The following KCNB2 variants were observed in gnomAD, a reference collection of about 807,000 sequenced individuals.
KCNB2 encodes delayed rectifier potassium channel protein.
KCNB2 carries 15 observed loss-of-function variants against 61.5 expected under a neutral mutation model. The observed-to-expected ratio is 0.24, with a 90% CI of 0.16 to 0.38. The LOEUF is 0.38. Ranked by LOEUF, KCNB2 falls within the 10% of genes least tolerant of loss-of-function variation. KCNB2 has a pLI of 1.00. For missense variants in KCNB2, 828 were observed against 1,125.2 expected (o/e 0.74, Z 3.78); for synonymous variants, 457 against 446.0 (o/e 1.02, Z -0.31).
At chr8:72,892,894 A>C (rs978848819) in intron 2 of KCNB2, among the ~76,000 whole-genome samples, 3 of 152,176 alleles carry the variant, frequency 2.0e-5, no homozygotes, top group African/African-American at 7.2e-5. Flanking sequence ...TAAAAGCAGC[A>C]AATGTACTTA....
chr8:72,773,828 G>A (rs1808603451), intron 2 of KCNB2, among the ~76,000 whole-genome samples: 1 of 152,108 alleles, frequency 6.6e-6, no homozygotes. Context: ...TAAAATATTT[G>A]TATGCAACTA....
At chr8:72,809,903 C>T (rs1464139172) in intron 2 of KCNB2, among the ~76,000 whole-genome samples, 1 of 152,114 alleles carries the variant, frequency 6.6e-6, no homozygotes, top group African/African-American at 2.4e-5. Flanking sequence ...TTATTTGTAT[C>T]TCTTAGTTTT....
chr8:72,666,984 A>AGTGTGTGT (rs142689703), intron 2 of KCNB2, among the ~76,000 whole-genome samples: 5 of 148,600 alleles, frequency 3.4e-5, no homozygotes, highest in African/African-American at 1.0e-4. Flanking sequence ...TTTCCACATA[A>AGTGTGTGT]GTGTGTGTGT....
At chr8:72,727,827 T>C (rs1176134904) in intron 2 of KCNB2, among the ~76,000 whole-genome samples, 1 of 152,220 alleles carries the variant, frequency 6.6e-6, no homozygotes, top group South Asian at 2.1e-4. Flanking sequence ...GAAATAGACT[T>C]GCTAGTATTT....
intron 2 of KCNB2, among the ~76,000 whole-genome samples, chr8:72,640,578 G>A (rs922443343): frequency 6.6e-6 from 1 of 151,808 alleles, no homozygotes; most frequent in Non-Finnish European, 1.5e-5. Flanking sequence ...CTTACGCTGA[G>A]GAATATTGAT....
intron 2 of KCNB2, among the ~76,000 whole-genome samples, chr8:72,725,075 T>TA (rs201484622): frequency 1.7e-3 from 257 of 152,146 alleles, no homozygotes; most frequent in Admixed American, 3.9e-3. Context: ...CTTCTCCATT[T>TA]AAAAAAATAT....
At chr8:72,810,778 T>C (rs775313846) in intron 2 of KCNB2, among the ~76,000 whole-genome samples, 1 of 152,188 alleles carries the variant, frequency 6.6e-6, no homozygotes, top group Non-Finnish European at 1.5e-5. Context: ...GTTTTAGTGT[T>C]TGGCATCAAG....
At chr8:72,550,911 G>C (rs547248034) in intron 1 of KCNB2, among the ~76,000 whole-genome samples, 2 of 152,172 alleles carry the variant, frequency 1.3e-5, no homozygotes, top group East Asian at 3.9e-4. Flanking sequence ...AGGGCTGACA[G>C]AGACAGGCAG....
At chr8:72,640,156 T>C (rs1329540641) in intron 2 of KCNB2, among the ~76,000 whole-genome samples, 1 of 152,110 alleles carries the variant, frequency 6.6e-6, no homozygotes, top group East Asian at 1.9e-4. Context: ...GTGTGTGCTT[T>C]GTTTAGTGGA....
intron 2 of KCNB2, among the ~76,000 whole-genome samples, chr8:72,600,549 A>C (rs994974843): frequency 1.2e-4 from 18 of 152,160 alleles, no homozygotes; most frequent in Middle Eastern, 3.4e-3. Flanking sequence ...CATATGTAAC[A>C]AACCTGTACG....
intron 2 of KCNB2, among the ~76,000 whole-genome samples, chr8:72,604,320 GTAGAGATC>G (rs1464086744): frequency 1.3e-5 from 2 of 152,050 alleles, no homozygotes; most frequent in Admixed American, 1.3e-4. Flanking sequence ...CTTCTCTAAG[GTAGAGATC>G]ATGTCCTATT....
chr8:72,898,948 T>A (rs1806037745), intron 2 of KCNB2, among the ~76,000 whole-genome samples: 1 of 152,188 alleles, frequency 6.6e-6, no homozygotes, highest in Non-Finnish European at 1.5e-5. Flanking sequence ...TCTAGCTTCA[T>A]CCATTTCACT....
intron 2 of KCNB2, among the ~76,000 whole-genome samples, chr8:72,697,246 G>A (rs756549752): frequency 6.6e-6 from 1 of 152,146 alleles, no homozygotes; most frequent in Non-Finnish European, 1.5e-5. Flanking sequence ...CAACTCTGGT[G>A]CAGATTGAGA....
intron 2 of KCNB2, among the ~76,000 whole-genome samples, chr8:72,756,281 C>T (rs1017773942): frequency 1.3e-5 from 2 of 152,206 alleles, no homozygotes; most frequent in Non-Finnish European, 2.9e-5. Context: ...TCCCTCCCTT[C>T]CTGTCTCCCT....
intron 2 of KCNB2, among the ~76,000 whole-genome samples, chr8:72,825,846 T>G (rs954802501): frequency 9.9e-5 from 15 of 152,176 alleles, no homozygotes; most frequent in Admixed American, 6.5e-5. Context: ...GCTCCATGGG[T>G]TCTCTTTTCA....
intron 2 of KCNB2, among the ~76,000 whole-genome samples, chr8:72,574,568 AGGGCCAG>A (rs1476617010): frequency 6.6e-6 from 1 of 152,218 alleles, no homozygotes; most frequent in African/African-American, 2.4e-5. Context: ...GCATCTGAAG[AGGGCCAG>A]TCTTAATTTC....
In KCNB2 at chr8:72,667,829, C is replaced by T. The variant is rs146961652; in HGVS notation, c.579+99516C>T. On this transcript the variant is annotated intron_variant, in intron 2 of 2. Coordinates refer to ENST00000523207, the MANE Select transcript of KCNB2 (RefSeq NM_004770.3). ...ACCCTCTTACTTAAAACCCATTTAA[C>T]GGAGTCTTGTTGCACTTAAAACGTA... Among the ~76,000 whole-genome samples, 620 of 152,250 alleles carry T rather than the reference C, an allele frequency of 4.1e-3. 8 individuals carry two copies. The highest frequency in any genetic ancestry group is 0.014 in the African/African-American group (586 of 41,548).
At chr8:72,784,199 A>C (rs1238014031) in intron 2 of KCNB2, among the ~76,000 whole-genome samples, 4 of 152,034 alleles carry the variant, frequency 2.6e-5, no homozygotes, top group Admixed American at 2.6e-4. Context: ...ATATCCCCAG[A>C]ACTTCTTCAT....
chr8:72,848,541 T>TGTAAA (rs1272892887), intron 2 of KCNB2, among the ~76,000 whole-genome samples: 3 of 152,170 alleles, frequency 2.0e-5, no homozygotes, highest in African/African-American at 7.2e-5. Context: ...TAAAGGAAAC[T>TGTAAA]CTAAATGCTT....
Sources: gnomAD v4.1 joint callset for allele counts (sites outside exome capture counted in the v4.1 genomes callset) on GRCh38, gnomAD v4.1.1 for gene constraint, MANE v1.5 for transcripts, NCBI Gene and HGNC (gene_info 2026-07-23, HGNC 2026-07-21) for gene names.